The following ING3 variants were observed in gnomAD, a reference collection of about 807,000 sequenced individuals.
The protein encoded by ING3 is inhibitor of growth protein 3.
ING3 carries 6 observed loss-of-function variants against 64.8 expected under a neutral mutation model. That is an observed-to-expected ratio of 0.09 (90% CI 0.05 to 0.18). ING3 has a LOEUF of 0.18. Ranked by LOEUF, ING3 falls within the 10% of genes least tolerant of loss-of-function variation. ING3 has a pLI of 1.00. For missense variants in ING3, 310 were observed against 489.7 expected (o/e 0.63, Z 3.46); for synonymous variants, 170 against 173.7 (o/e 0.98, Z 0.17).
At chr7:120,957,579 T>G (rs1347064936) in intron 4 of ING3, among the ~76,000 whole-genome samples, 2 of 151,936 alleles carry the variant, frequency 1.3e-5, no homozygotes, top group Non-Finnish European at 2.9e-5. Flanking sequence ...TCTTAGAGGG[T>G]ATAGGAAGAG....
chr7:120,956,418 G>C (rs1260464301), intron 4 of ING3: 1 of 1,249,964 alleles, frequency 8.0e-7, no homozygotes, highest in Non-Finnish European at 1.0e-6. Flanking sequence ...ACAAGTACGT[G>C]TAAGTAAAAT....
At position 120,966,805 on chromosome 7, in the gene ING3, C is replaced by T. The variant is rs1796002269; in HGVS notation, c.436+108C>T. The T allele has an allele frequency of 1.3e-5, 11 of 832,016 alleles. No individual in the cohort carries two copies. In the South Asian group the frequency reaches 1.6e-4, roughly 12 times the overall value. 51.5% of individuals were successfully genotyped at this position (832,016 alleles called of 1,614,324 possible). On this transcript the variant is annotated intron_variant, in intron 6 of 11. Coordinates refer to ENST00000315870, the MANE Select transcript of ING3 (RefSeq NM_019071.3). Reference sequence around the variant, plus strand: ...ACACAACCAATTGAGAAATAAATCCCTTCTTTTTTTTTCATTGCAAGTACT... The same window carrying T: ...ACACAACCAATTGAGAAATAAATCCTTTCTTTTTTTTTCATTGCAAGTACT...
chr7:120,950,823 A>T lies in ING3; in HGVS notation c.-74A>T. The T allele has an allele frequency of 7.6e-7, 1 of 1,321,392 alleles. No individual in the cohort carries two copies. Among genetic ancestry groups the T allele is most frequent in the Non-Finnish European group, 1.0e-6 (1 of 987,358 alleles). The allele number at this position is 1,321,392 out of a possible 1,614,324, so 81.9% of individuals were successfully genotyped here. ...TAGCGGAGGCGCCATATTGGAGGGG[A>T]CAAAACTCCGGCGACAGCGAGTGAC... On this transcript the variant is annotated 5_prime_UTR_variant, in exon 1 of 12. Transcript: ENST00000315870.
At chr7:120,965,274 T>C (rs1244448280) in intron 5 of ING3, among the ~76,000 whole-genome samples, 1 of 152,182 alleles carries the variant, frequency 6.6e-6, no homozygotes, top group Non-Finnish European at 1.5e-5. Flanking sequence ...AAGACTCACA[T>C]TGGTTTCATA....
Position 120,973,185 on chromosome 7 carries a change from A to G in ING3, c.1102-20A>G. ...TTTGTTACATAGTCATAATAAAGACATTTAATTTTTTTTAACTAGGTATCT... is the reference window on the plus strand; with the variant it reads ...TTTGTTACATAGTCATAATAAAGACGTTTAATTTTTTTTAACTAGGTATCT... On this transcript the variant is annotated intron_variant, in intron 10 of 11. Transcript: ENST00000315870. 1 of 1,396,880 alleles carries G rather than the reference A, an allele frequency of 7.2e-7. No homozygotes were observed. The highest frequency in any genetic ancestry group is 2.3e-5 in the East Asian group (1 of 43,660). The allele number at this position is 1,396,880 out of a possible 1,614,324, so 86.5% of individuals were successfully genotyped here. A position where few individuals can be genotyped will look rare whatever the true frequency, so the allele number is the denominator to read the frequency against.
chr7:120,951,597 A>G (rs1028200415), intron 2 of ING3, among the ~76,000 whole-genome samples: 1 of 152,232 alleles, frequency 6.6e-6, no homozygotes, highest in African/African-American at 2.4e-5. Context: ...CTTAGATTTC[A>G]GCATTTATAC....
rs1562974681 is a variant in ING3, at chr7:120,961,803, G to A, written c.268-2939G>A. On this transcript the variant is annotated intron_variant, in intron 4 of 11. Coordinates refer to ENST00000315870, the MANE Select transcript of ING3 (RefSeq NM_019071.3). ...GTAGAATATGATTTGGGATTATAGG[G>A]CAAGGAAACTTTGTTTATAGCACTT... 2.0e-5 allele frequency among the ~76,000 whole-genome samples: 3 copies of A among 152,252 alleles called. No homozygotes were observed. In the East Asian group the frequency reaches 5.8e-4, roughly 29 times the overall value.
chr7:120,960,536 A>G (rs955882180), intron 4 of ING3, among the ~76,000 whole-genome samples: 10 of 152,206 alleles, frequency 6.6e-5, no homozygotes, highest in African/African-American at 2.2e-4. Context: ...AGTGTTTTAT[A>G]TGGCGTTGCA....
Position 120,967,600 on chromosome 7 carries a change from G to T in ING3, c.508G>T (p.Ala170Ser). The T allele has an allele frequency of 6.2e-7, 1 of 1,607,508 alleles. No homozygotes were observed. The highest frequency in any genetic ancestry group is 8.5e-7 in the Non-Finnish European group (1 of 1,175,378). ...HIPEKKFKSE[A>S]LLSTLTSDAS... ...TCCTGAAAAGAAATTTAAATCTGAA[G>T]CTCTTCTATCCACCCTTACGTCAGA... The change falls in exon 7 of 12, where the codon GCT becomes TCT. Residue 170 changes from alanine (A) to serine (S), a missense_variant. Physicochemically the swap from Ala to Ser is moderately conservative, Grantham distance 99. This residue lies in a region of ING3 where 233 missense variants were observed against 289.4 expected (regional missense o/e 0.81). Transcript: ENST00000315870.
intron 4 of ING3, among the ~76,000 whole-genome samples, chr7:120,960,127 C>T (rs1473836885): frequency 6.6e-6 from 1 of 152,126 alleles, no homozygotes; most frequent in Non-Finnish European, 1.5e-5. Context: ...AAAGAACCAC[C>T]TGTTGGAAAA....
intron 4 of ING3, among the ~76,000 whole-genome samples, chr7:120,959,672 G>T (rs1304631790): frequency 9.4e-6 from 1 of 106,562 alleles, no homozygotes; most frequent in Admixed American, 1.4e-4. Flanking sequence ...TTGAGACGGA[G>T]TCTCACTCTT....
In ING3 at chr7:120,967,957, G is replaced by C; in HGVS notation, c.580G>C (p.Ala194Pro). The C allele has an allele frequency of 6.2e-7, 1 of 1,613,942 alleles. No individual in the cohort carries two copies. Among genetic ancestry groups the C allele is most frequent in the Non-Finnish European group, 8.5e-7 (1 of 1,179,958 alleles). Residue 194 changes from alanine to proline, a missense_variant, in exon 8 of 12, where the codon GCC (alanine) becomes CCC (proline). Coordinates refer to ENST00000315870, the MANE Select transcript of ING3 (RefSeq NM_019071.3). ...AGGTTGTCGAAATAATAATTCCACA[G>C]CCTCTTCTAACAATGCCTACAATGT... Reference protein sequence around the residue: ...TLGCRNNNSTASSNNAYNVNS... With the variant: ...TLGCRNNNSTPSSNNAYNVNS...
chr7:120,958,627 A>G (rs1393033308), intron 4 of ING3, among the ~76,000 whole-genome samples: 1 of 152,174 alleles, frequency 6.6e-6, no homozygotes, highest in Non-Finnish European at 1.5e-5. Context: ...TCTTACAGGT[A>G]CCTTCCACAT....
At chr7:120,957,578 G>T (rs964835271) in intron 4 of ING3, among the ~76,000 whole-genome samples, 3 of 152,148 alleles carry the variant, frequency 2.0e-5, no homozygotes, top group Non-Finnish European at 2.9e-5. Context: ...TTCTTAGAGG[G>T]TATAGGAAGA....
rs564157180 is a variant in ING3, at chr7:120,958,876, A to T, written c.267+3252A>T. 2.6e-5 allele frequency among the ~76,000 whole-genome samples: 4 copies of T among 152,082 alleles called. No homozygotes were observed. The South Asian group carries it at 8.3e-4, about 32-fold the overall frequency. ...TAATTTCTCATTCAGACTCTTTGAC[A>T]CTCCCTTACCTTCAATTTATTCCTA... On this transcript the variant is annotated intron_variant, in intron 4 of 11. Coordinates refer to ENST00000315870, the MANE Select transcript of ING3 (RefSeq NM_019071.3).
At chr7:120,967,770 AAAG>A in intron 7 of ING3, 122 bp downstream of exon 7, 1 of 1,286,988 alleles carries the variant, frequency 7.8e-7, no homozygotes, top group Non-Finnish European at 1.1e-6. Flanking sequence ...ACATATGGAG[AAAG>A]AAGAAAAAGG....
At chr7:120,951,096 G>C (rs950165363) in intron 1 of ING3, 68 bp from the exon 2 acceptor site, 5 of 1,568,236 alleles carry the variant, frequency 3.2e-6, no homozygotes, top group Non-Finnish European at 4.4e-6. Context: ...CCTGACGCAC[G>C]CGCGCAGTGA....
intron 2 of ING3, 119 bp downstream of exon 2, chr7:120,951,354 AAGG>A (rs1183150924): frequency 1.1e-6 from 1 of 900,736 alleles, no homozygotes; most frequent in Non-Finnish European, 1.8e-6. Context: ...GCTAGTGCAT[AAGG>A]AGTTGTCAAA....
In ING3 at chr7:120,975,286, AAAAAGTC is replaced by A. The variant is rs1395324772; in HGVS notation, c.*444_*450del. On this transcript the variant is annotated 3_prime_UTR_variant, in exon 12 of 12. Transcript: ENST00000315870. ...GTATATAAATGGTTGCAAAAAAAAAAAAAAGTCAGTGCTTCTAAAAAGAATTTAAGAT... is the reference window on the plus strand; with the variant it reads ...GTATATAAATGGTTGCAAAAAAAAAAAGTGCTTCTAAAAAGAATTTAAGAT... The A allele has an allele frequency of 6.6e-6, 1 of 152,208 alleles. No homozygotes were observed. The highest frequency in any genetic ancestry group is 2.4e-5 in the African/African-American group (1 of 41,456). 9.4% of individuals were successfully genotyped at this position (152,208 alleles called of 1,614,324 possible).
Sources: gnomAD v4.1 joint callset for allele counts (sites outside exome capture counted in the v4.1 genomes callset) on GRCh38, gnomAD v4.1.1 for gene constraint, gnomAD v4.1.1 regional missense constraint, MANE v1.5 for transcripts, NCBI Gene and HGNC (gene_info 2026-07-23, HGNC 2026-07-21) for gene names.